The following C6orf132 variants were observed in gnomAD, a reference collection of about 807,000 sequenced individuals.
C6orf132 encodes chromosome 6 open reading frame 132.
In C6orf132, 43 loss-of-function variants were observed where a neutral mutation model predicts 65.3. That is an observed-to-expected ratio of 0.66 (90% CI 0.52 to 0.85). The LOEUF is 0.85. C6orf132 is among the 40% of genes least tolerant of loss of function. The pLI, the probability that C6orf132 is intolerant of heterozygous loss-of-function variation, is 0.00. For synonymous variants in C6orf132, 631 were observed against 654.1 expected (o/e 0.96, Z 0.54); for missense variants, 1,488 against 1,548.8 (o/e 0.96, Z 0.66).
chr6:42,105,398 C>G lies in C6orf132; in HGVS notation c.2514G>C (p.Pro838=). ...VTGEVVERGS[P]MALLLAARQR... is the part of the protein sequence containing the mutation. ...GCCTGGCCGCCAGGAGCAGGGCCAT[C>G]GGCGAGCCCCGCTCCACCACCTCCC... is the stretch of plus-strand genomic sequence containing the variant. Residue 838 remains proline, a synonymous_variant, in exon 4 of 5, where the codon CCG becomes CCC. Coordinates refer to ENST00000341865, the MANE Select transcript of C6orf132 (RefSeq NM_001164446.3). 6.5e-7 allele frequency: 1 copy of G among 1,535,618 alleles called. No homozygotes were observed. Among genetic ancestry groups the G allele is most frequent in the Non-Finnish European group, 8.7e-7 (1 of 1,146,322 alleles).
rs771596811 is a variant in C6orf132 at position 42,142,379 on chromosome 6, G to A, written c.66C>T (p.Thr22=). The stretch of plus-strand genomic sequence containing the variant: ...TGGTGGCGTAGAGGGAGGTGCTGGG[G>A]GTCGTGGTGTGCTTCTTCCCGAAGA... The part of the protein sequence containing the change: ...SKLFGKKHTT[T]PSTSLYATNP... Residue 22 remains threonine, a synonymous_variant, in exon 1 of 5, where the codon ACC becomes ACT. Coordinates refer to ENST00000341865, the MANE Select transcript of C6orf132 (RefSeq NM_001164446.3). 1 of 1,551,386 alleles carries A rather than the reference G, an allele frequency of 6.4e-7. No homozygotes were observed. Among genetic ancestry groups the A allele is most frequent in the Non-Finnish European group, 8.7e-7 (1 of 1,146,878 alleles).
At chr6:42,113,768 A>G (rs1766525297) in intron 2 of C6orf132, among the ~76,000 whole-genome samples, 1 of 152,160 alleles carries the variant, frequency 6.6e-6, no homozygotes, top group Non-Finnish European at 1.5e-5. Context: ...GTGACCTGAG[A>G]TCATGCCACT....
intron 1 of C6orf132, among the ~76,000 whole-genome samples, chr6:42,134,258 C>A (rs1766903918): frequency 6.6e-6 from 1 of 152,258 alleles, no homozygotes; most frequent in African/African-American, 2.4e-5. Flanking sequence ...ACTGGTCTCT[C>A]TGAGGCTGTC....
chr6:42,130,860 C>G (rs951917707), intron 1 of C6orf132, among the ~76,000 whole-genome samples: 1 of 151,820 alleles, frequency 6.6e-6, no homozygotes, highest in African/African-American at 2.4e-5. Flanking sequence ...CCTCAAAAGC[C>G]TTGTCTCGCC....
chr6:42,134,909 G>A (rs1766915830), intron 1 of C6orf132, among the ~76,000 whole-genome samples: 1 of 152,152 alleles, frequency 6.6e-6, no homozygotes, highest in African/African-American at 2.4e-5. Flanking sequence ...GCTGAGGCAG[G>A]AGAATCACTT....
At chr6:42,119,595 C>T (rs916815401) in intron 2 of C6orf132, among the ~76,000 whole-genome samples, 6 of 151,568 alleles carry the variant, frequency 4.0e-5, no homozygotes, top group African/African-American at 1.5e-4. Context: ...GATCCACCCA[C>T]CTCGGCCTCC....
Position 42,106,020 on chromosome 6 carries a change from A to G in C6orf132, c.1892T>C (p.Leu631Pro). 6.5e-7 allele frequency: 1 copy of G among 1,536,864 alleles called. No individual in the cohort carries two copies. The highest frequency in any genetic ancestry group is 1.4e-5 in the African/African-American group (1 of 72,996). Residue 631 changes from leucine to proline, a missense_variant, in exon 4 of 5, where the codon CTC (leucine) becomes CCC (proline). Coordinates refer to ENST00000341865, the MANE Select transcript of C6orf132 (RefSeq NM_001164446.3). ...QSTTLLPTTS[L>P]QPKAMLGPAI... The stretch of plus-strand genomic sequence containing the variant: ...TGGTCCCAACATAGCCTTGGGCTGG[A>G]GTGATGTAGTTGGCAGCAGGGTGGT...
At chr6:42,136,808 C>T (rs1167302936) in intron 1 of C6orf132, among the ~76,000 whole-genome samples, 5 of 151,958 alleles carry the variant, frequency 3.3e-5, no homozygotes, top group South Asian at 4.2e-4. Context: ...GCTGAAGATT[C>T]GACTGGAGTG....
In C6orf132 at chr6:42,105,201, T is replaced by C; in HGVS notation, c.2711A>G (p.Lys904Arg). 6.5e-7 allele frequency: 1 copy of C among 1,537,128 alleles called. No individual in the cohort carries two copies. The highest frequency in any genetic ancestry group is 2.4e-5 in the East Asian group (1 of 40,904). ...VVPKLPKEAE[K>R]DSPLTTEIPN... ...TATTTCGGTCGTCAGCGGGGAGTCC[T>C]TCTCAGCCTCCTTGGGTAACTTGGG... The change falls in exon 4 of 5, where the codon AAG becomes AGG. Residue 904 changes from lysine to arginine, a missense_variant. By Grantham distance (26) the Lys-to-Arg change is conservative. Transcript: ENST00000341865.
chr6:42,127,756 C>T (rs1766788401), intron 2 of C6orf132, among the ~76,000 whole-genome samples: 1 of 152,178 alleles, frequency 6.6e-6, no homozygotes, highest in South Asian at 2.1e-4. Context: ...CTGTCTAGTA[C>T]AGCAGCCACT....
Position 42,104,768 on chromosome 6 carries a change from A to C in C6orf132, c.3144T>G (p.Ala1048=), listed in dbSNP as rs1442551697. ...RFPAGARYAG[A]GGLERFSGGG... ...CTCCCGAGAAGCGCTCCAGGCCCCCAGCCCCGGCGTAGCGCGCGCCCGCGG... is the reference window on the plus strand; with the variant it reads ...CTCCCGAGAAGCGCTCCAGGCCCCCCGCCCCGGCGTAGCGCGCGCCCGCGG... The change falls in exon 4 of 5, where the codon GCT becomes GCG. Residue 1048 remains alanine, a synonymous_variant. Transcript: ENST00000341865. This position sits in a 1 kb window ranked among gnomAD's most constrained non-coding sequence, Gnocchi z 4.1. 1.3e-6 allele frequency: 2 copies of C among 1,511,136 alleles called. No homozygotes were observed. Among genetic ancestry groups the C allele is most frequent in the South Asian group, 1.2e-5 (1 of 82,454 alleles). The allele number at this position is 1,511,136 out of a possible 1,614,324, so 93.6% of individuals were successfully genotyped here. A position where few individuals can be genotyped will look rare whatever the true frequency, so the allele number is the denominator to read the frequency against.
chr6:42,128,644 T>C (rs1267753495), intron 2 of C6orf132, 28 bp downstream of exon 2: 14 of 1,532,144 alleles, frequency 9.1e-6, no homozygotes, highest in Non-Finnish European at 1.1e-5. Flanking sequence ...GAGCAGACTC[T>C]CCAACCTCAG....
intron 1 of C6orf132, among the ~76,000 whole-genome samples, chr6:42,139,157 T>G (rs906702754): frequency 5.3e-5 from 8 of 152,182 alleles, no homozygotes; most frequent in African/African-American, 1.4e-4. Flanking sequence ...TTTCCTCCCT[T>G]CCATTCCACC....
intron 1 of C6orf132, among the ~76,000 whole-genome samples, chr6:42,133,886 A>G (rs1014165967): frequency 1.6e-5 from 2 of 127,474 alleles, no homozygotes; most frequent in African/African-American, 3.2e-5. Flanking sequence ...TTGAGTTGAC[A>G]TAAATATTAA....
chr6:42,119,598 C>T (rs948278346), intron 2 of C6orf132, among the ~76,000 whole-genome samples: 4 of 151,432 alleles, frequency 2.6e-5, no homozygotes, highest in Admixed American at 1.3e-4. Flanking sequence ...CCACCCACCT[C>T]GGCCTCCCAA....
In C6orf132 at chr6:42,142,312, T is replaced by A; in HGVS notation, c.133A>T (p.Thr45Ser). The change falls in exon 1 of 5, where the codon ACC becomes TCC. Residue 45 changes from threonine (T) to serine (S), a missense_variant. Coordinates refer to ENST00000341865, the MANE Select transcript of C6orf132 (RefSeq NM_001164446.3). The stretch of plus-strand genomic sequence containing the variant: ...CCGGAGTACTCACCGAAGCCCCCGG[T>A]CCCCTCCTCCGGGGCCTCCTGGGTG... ...IFTQEAPEEGTGGFDGIYYGD... is the reference protein window; with the variant it reads ...IFTQEAPEEGSGGFDGIYYGD... The A allele has an allele frequency of 6.4e-7, 1 of 1,550,462 alleles. No homozygotes were observed. Among genetic ancestry groups the A allele is most frequent in the Non-Finnish European group, 8.7e-7 (1 of 1,146,624 alleles).
rs1427929572 is a variant in C6orf132 at position 42,103,874 on chromosome 6, G to A, written c.3454C>T (p.Pro1152Ser). Residue 1152 changes from proline (P) to serine (S), a missense_variant, in exon 5 of 5, where the codon CCC becomes TCC. Transcript: ENST00000341865. The stretch of plus-strand genomic sequence containing the variant: ...CTTCCATAGCGGGTGGTGGTGTAGG[G>A]AGACCTGGGGGAGAGCAAGAGATGT... The part of the protein sequence containing the change: ...YGFAPAAGRS[P>S]YTTTRYGSPI... The A allele has an allele frequency of 4.8e-6, 7 of 1,456,790 alleles. No individual in the cohort carries two copies. Among genetic ancestry groups the A allele is most frequent in the Admixed American group, 5.1e-5 (2 of 39,170 alleles). The allele number at this position is 1,456,790 out of a possible 1,614,324, so 90.2% of individuals were successfully genotyped here.
rs1462723541 is a variant in C6orf132, at chr6:42,101,342, CCT to C, written c.*2417_*2418del. 6.6e-6 allele frequency: 1 copy of C among 152,196 alleles called. No homozygotes were observed. The highest frequency in any genetic ancestry group is 1.9e-4 in the East Asian group (1 of 5,200). 9.4% of individuals were successfully genotyped at this position (152,196 alleles called of 1,614,324 possible). ...ACTCGCTAGTTATTCTCTCACGTTC[CCT>C]GTTTTTTCCTTCTTACTACTCCTTG... is the stretch of plus-strand genomic sequence containing the variant. On this transcript the variant is annotated 3_prime_UTR_variant, in exon 5 of 5. Transcript: ENST00000341865.
At chr6:42,119,771 C>T (rs1766649867) in intron 2 of C6orf132, among the ~76,000 whole-genome samples, 1 of 151,866 alleles carries the variant, frequency 6.6e-6, no homozygotes, top group South Asian at 2.1e-4. Flanking sequence ...CAGATGTGAG[C>T]CACCTCACCT....
Sources: allele counts gnomAD v4.1 joint callset (sites outside exome capture counted in the v4.1 genomes callset), GRCh38; gene constraint gnomAD v4.1.1; non-coding constraint Gnocchi (gnomAD v3.1); transcripts MANE v1.5; gene names NCBI Gene and HGNC (gene_info 2026-07-23, HGNC 2026-07-21).